The following FGF14 variants were observed in gnomAD, a reference collection of about 807,000 sequenced individuals.
The protein encoded by FGF14 is fibroblast growth factor homologous factor 4.
Under a neutral mutation model 25.5 loss-of-function variants are expected in FGF14, and 5 were observed. That is an observed-to-expected ratio of 0.20 (90% CI 0.10 to 0.41). The LOEUF (loss-of-function observed/expected upper bound fraction) is 0.41, where lower values mean the gene tolerates loss of function less well. Among genes scored for constraint, FGF14 ranks in the 10% least tolerant of loss-of-function variants. The pLI is 1.00. For synonymous variants in FGF14, 138 were observed against 118.3 expected (o/e 1.17, Z -1.08); for missense variants, 222 against 320.1 (o/e 0.69, Z 2.34).
At chr13:102,280,803 T>A (rs563800893) in intron 1 of FGF14, among the ~76,000 whole-genome samples, 2 of 152,234 alleles carry the variant, frequency 1.3e-5, no homozygotes, top group East Asian at 1.9e-4. Context: ...TGAAAACAGA[T>A]CTAGAGTGAA....
chr13:102,039,317 A>T (rs1311470725), intron 1 of FGF14, among the ~76,000 whole-genome samples: 1 of 152,152 alleles, frequency 6.6e-6, no homozygotes, highest in Non-Finnish European at 1.5e-5. Flanking sequence ...ATGTCATCCC[A>T]AGAGGAGAAA....
intron 1 of FGF14, among the ~76,000 whole-genome samples, chr13:102,116,385 T>TGC (rs1263046375): frequency 6.6e-6 from 1 of 152,150 alleles, no homozygotes; most frequent in African/African-American, 2.4e-5. Context: ...AGTGTGTGTG[T>TGC]GCATGTGTAT....
At chr13:101,968,544 G>A (rs972161767) in intron 1 of FGF14, among the ~76,000 whole-genome samples, 34 of 151,960 alleles carry the variant, frequency 2.2e-4, no homozygotes, top group African/African-American at 7.7e-4. Context: ...GTGGTGGCAG[G>A]CGCCTGCAGT....
chr13:101,781,149 TC>T (rs2039468760), intron 3 of FGF14, among the ~76,000 whole-genome samples: 1 of 151,736 alleles, frequency 6.6e-6, no homozygotes, highest in African/African-American at 2.4e-5. Context: ...TCTCTCTCTC[TC>T]TCACTCACTC....
At chr13:101,988,749 C>T (rs971465273) in intron 1 of FGF14, among the ~76,000 whole-genome samples, 5 of 151,178 alleles carry the variant, frequency 3.3e-5, no homozygotes, top group African/African-American at 1.2e-4. Flanking sequence ...GGAGATATAC[C>T]TAATGTTAAT....
chr13:102,395,565 G>T (rs541520847), intron 1 of FGF14: 5 of 152,292 alleles, frequency 3.3e-5, no homozygotes, highest in African/African-American at 1.2e-4. Flanking sequence ...CCAAATTCTT[G>T]GTTGGCGCTT....
intron 1 of FGF14, among the ~76,000 whole-genome samples, chr13:102,287,676 A>C (rs900428303): frequency 3.9e-5 from 6 of 152,236 alleles, no homozygotes; most frequent in Non-Finnish European, 8.8e-5. Context: ...AAGAAGAGCT[A>C]ATAAAATATA....
chr13:102,287,014 A>G (rs2054134407), intron 1 of FGF14, among the ~76,000 whole-genome samples: 1 of 152,130 alleles, frequency 6.6e-6, no homozygotes, highest in Non-Finnish European at 1.5e-5. Flanking sequence ...GCATTAGGAG[A>G]TATACCTAAT....
intron 3 of FGF14, among the ~76,000 whole-genome samples, chr13:101,862,265 T>C (rs2044458528): frequency 6.6e-6 from 1 of 152,018 alleles, no homozygotes; most frequent in African/African-American, 2.4e-5. Context: ...CCTCTCTCCT[T>C]TCTCTTCTTT....
intron 1 of FGF14, among the ~76,000 whole-genome samples, chr13:102,230,812 T>C (rs1053078955): frequency 4.6e-5 from 7 of 152,154 alleles, no homozygotes; most frequent in African/African-American, 1.7e-4. Context: ...TGGAAAAAAA[T>C]GCAATAATAT....
chr13:102,178,209 C>G (rs910897704), intron 1 of FGF14, among the ~76,000 whole-genome samples: 4 of 152,070 alleles, frequency 2.6e-5, no homozygotes, highest in Non-Finnish European at 5.9e-5. Flanking sequence ...GTGGGAATTA[C>G]AGAAACACCA....
upstream of FGF14, among the ~76,000 whole-genome samples, chr13:101,921,390 T>C (rs2033994960): frequency 6.6e-6 from 1 of 152,192 alleles, no homozygotes; most frequent in African/African-American, 2.4e-5. Context: ...CGAACTACTG[T>C]TCTTCCTTCT....
chr13:101,857,516 C>A (rs1425578899), intron 3 of FGF14, among the ~76,000 whole-genome samples: 1 of 151,996 alleles, frequency 6.6e-6, no homozygotes, highest in Non-Finnish European at 1.5e-5. Context: ...ACATTGTGCA[C>A]CCTTTCAATG....
At chr13:101,924,099 G>C (rs2034195750) in intron 1 of FGF14, among the ~76,000 whole-genome samples, 1 of 151,944 alleles carries the variant, frequency 6.6e-6, no homozygotes, top group African/African-American at 2.4e-5. Context: ...ATAGATCAGT[G>C]AATTTTTAAC....
At chr13:102,165,095 C>T (rs2047939760) in intron 1 of FGF14, among the ~76,000 whole-genome samples, 1 of 151,984 alleles carries the variant, frequency 6.6e-6, no homozygotes, top group South Asian at 2.1e-4. Context: ...CAGAGAAATG[C>T]AAATTAAAAC....
At chr13:101,770,869 G>C (rs2038724430) in intron 3 of FGF14, among the ~76,000 whole-genome samples, 1 of 151,896 alleles carries the variant, frequency 6.6e-6, no homozygotes, top group Admixed American at 6.6e-5. Context: ...GAATGACATA[G>C]AACTATCAAG....
chr13:102,157,514 G>A (rs1418177238), intron 1 of FGF14, among the ~76,000 whole-genome samples: 1 of 152,142 alleles, frequency 6.6e-6, no homozygotes, highest in African/African-American at 2.4e-5. Context: ...AATTCAAGAT[G>A]TATTAAAGAC....
intron 1 of FGF14, among the ~76,000 whole-genome samples, chr13:102,372,099 C>A (rs2057902513): frequency 6.6e-6 from 1 of 151,994 alleles, no homozygotes; most frequent in South Asian, 2.1e-4. Context: ...GTATTTTAAC[C>A]AATGAATCCA....
chr13:101,845,203 GT>G (rs1240253897), intron 3 of FGF14, among the ~76,000 whole-genome samples: 1 of 151,992 alleles, frequency 6.6e-6, no homozygotes. Flanking sequence ...GAAATTTGCT[GT>G]TTTTCAAAAA....
Sources: gnomAD v4.1 joint callset for allele counts (sites outside exome capture counted in the v4.1 genomes callset) on GRCh38, gnomAD v4.1.1 for gene constraint, MANE v1.5 for transcripts, NCBI Gene and HGNC (gene_info 2026-07-23, HGNC 2026-07-21) for gene names.